ASH1L: variants seen among roughly 807,000 people sequenced by gnomAD.
The protein encoded by ASH1L is histone-lysine N-methyltransferase ASH1L.
Under a neutral mutation model 269.0 loss-of-function variants are expected in ASH1L, and 23 were observed. That is an observed-to-expected ratio of 0.09 (90% CI 0.06 to 0.12). ASH1L has a LOEUF of 0.12. Among genes scored for constraint, ASH1L ranks in the 10% least tolerant of loss-of-function variants. ASH1L has a pLI of 1.00. For missense variants in ASH1L, 2,912 were observed against 3,567.8 expected, an observed-to-expected ratio of 0.82 and a Z score of 4.68; for synonymous variants, 1,187 against 1,253.5, an observed-to-expected ratio of 0.95 and a Z score of 1.12.
intron 13 of ASH1L, chr1:155,358,654 C>T (rs866153171): frequency 2.7e-5 from 4 of 150,882 alleles, no homozygotes; most frequent in Middle Eastern, 3.4e-3. Flanking sequence ...CGCCACTGCA[C>T]TCTAGCCTGG....
intron 1 of ASH1L, among the ~76,000 whole-genome samples, chr1:155,544,464 T>C (rs759298474): frequency 5.9e-5 from 9 of 151,720 alleles, no homozygotes; most frequent in Non-Finnish European, 1.3e-4. Flanking sequence ...TTTTTTTGTA[T>C]TTTTAGTAGA....
chr1:155,393,641 G>A (rs1054648384), intron 7 of ASH1L, among the ~76,000 whole-genome samples: 2 of 150,504 alleles, frequency 1.3e-5, no homozygotes, highest in Admixed American at 6.7e-5. Context: ...TGCACACTCC[G>A]CCTCCTGGGT....
chr1:155,500,529 T>C (rs1667434909), intron 2 of ASH1L, among the ~76,000 whole-genome samples: 2 of 151,962 alleles, frequency 1.3e-5, no homozygotes, highest in South Asian at 4.1e-4. Flanking sequence ...TCAAATAATG[T>C]AGACATGCAT....
At chr1:155,455,129 G>A (rs186833096) in intron 4 of ASH1L, among the ~76,000 whole-genome samples, 1 of 152,040 alleles carries the variant, frequency 6.6e-6, no homozygotes, top group African/African-American at 2.4e-5. Context: ...TGAGAAATGA[G>A]CAAAGAGACA....
chr1:155,508,504 T>C (rs1161027565), intron 2 of ASH1L, among the ~76,000 whole-genome samples: 1 of 152,146 alleles, frequency 6.6e-6, no homozygotes, highest in Non-Finnish European at 1.5e-5. Flanking sequence ...CCAGACATGA[T>C]GGCATTCACC....
At chr1:155,451,512 C>T (rs1185737459) in intron 4 of ASH1L, among the ~76,000 whole-genome samples, 1 of 151,974 alleles carries the variant, frequency 6.6e-6, no homozygotes, top group Admixed American at 6.6e-5. Flanking sequence ...GTAATCACAG[C>T]ACTTTGGGAG....
At chr1:155,528,041 A>T (rs1287732117) in intron 1 of ASH1L, among the ~76,000 whole-genome samples, 1 of 152,150 alleles carries the variant, frequency 6.6e-6, no homozygotes, top group Non-Finnish European at 1.5e-5. Flanking sequence ...AACATTGATG[A>T]TTCACAAATT....
chr1:155,406,969 T>C (rs1041290631), intron 6 of ASH1L, among the ~76,000 whole-genome samples: 1 of 152,046 alleles, frequency 6.6e-6, no homozygotes, highest in Non-Finnish European at 1.5e-5. Flanking sequence ...TAAATGGCCT[T>C]CAAAGATATA....
Position 155,482,220 on chromosome 1 carries a change from G to C in ASH1L, c.650C>G (p.Thr217Arg). 6.2e-7 allele frequency: 1 copy of C among 1,614,126 alleles called. No individual in the cohort carries two copies. The highest frequency in any genetic ancestry group is 8.5e-7 in the Non-Finnish European group (1 of 1,180,002). Residue 217 changes from threonine (T) to arginine (R), a missense_variant, in exon 3 of 28, where the codon ACA (threonine) becomes AGA (arginine). Physicochemically the swap from Thr to Arg is moderately conservative, Grantham distance 71. Around this residue, in one of 13 missense-constraint regions of ASH1L, gnomAD observed 277 missense variants for 367.7 expected, o/e 0.75. Transcript: ENST00000392403. The part of the protein sequence containing the change: ...RALLNGGTSV[T>R]EKLAQLIATC... The stretch of plus-strand genomic sequence containing the variant: ...AGCAATCAGCTGTGCCAACTTTTCT[G>C]TTACACTAGTTCCTCCATTAAGTAA...
rs192013428 is a variant in ASH1L, at chr1:155,473,306, G to A, written c.4984+4580C>T. ...TTTTTATTGTGTGGCTTCTCTCAATGTTTGTACAAAAGAAACAAACAGGTA... is the reference window on the plus strand; with the variant it reads ...TTTTTATTGTGTGGCTTCTCTCAATATTTGTACAAAAGAAACAAACAGGTA... On this transcript the variant is annotated intron_variant, in intron 3 of 27. Transcript: ENST00000392403. 4.0e-3 allele frequency among the ~76,000 whole-genome samples: 609 copies of A among 152,164 alleles called. 1 individual carries two copies. The highest frequency in any genetic ancestry group is 5.3e-3 in the Non-Finnish European group (359 of 68,014).
chr1:155,373,242 A>C (rs1044116330), intron 10 of ASH1L, among the ~76,000 whole-genome samples: 1 of 151,730 alleles, frequency 6.6e-6, no homozygotes, highest in Non-Finnish European at 1.5e-5. Flanking sequence ...ACAAAAAAAA[A>C]CTGAACATAG....
At chr1:155,549,762 C>T (rs1291922687) in intron 1 of ASH1L, among the ~76,000 whole-genome samples, 3 of 152,072 alleles carry the variant, frequency 2.0e-5, no homozygotes, top group Non-Finnish European at 1.5e-5. Context: ...TCACAGATAC[C>T]GAGGGATGAC....
At chr1:155,360,183 T>G in intron 13 of ASH1L, 118 bp downstream of exon 13, 1 of 695,660 alleles carries the variant, frequency 1.4e-6, no homozygotes, top group East Asian at 2.8e-5. Context: ...AACCACTGTG[T>G]CCAGCCTCCC....
upstream of ASH1L, chr1:155,562,867 ACCGCCGCCACGG>A (rs1346710627): frequency 1.5e-5 from 5 of 331,000 alleles, no homozygotes; most frequent in Non-Finnish European, 2.4e-5. Context: ...ACGGCCACCA[ACCGCCGCCACGG>A]CCGCCGCCGC....
rs533450245 is a variant in ASH1L at position 155,477,160 on chromosome 1, T to C, written c.4984+726A>G. ...TCACAAAGAACTTCTAATCTTTTAT[T>C]CGAGTGGCAAATGCTTACTCTTTGT... On this transcript the variant is annotated intron_variant, in intron 3 of 27. Coordinates refer to ENST00000392403, the MANE Select transcript of ASH1L (RefSeq NM_018489.3). 5.3e-5 allele frequency among the ~76,000 whole-genome samples: 8 copies of C among 152,300 alleles called. No individual in the cohort carries two copies. In the East Asian group the frequency reaches 1.5e-3, roughly 29 times the overall value.
At chr1:155,477,406 T>C (rs1665641501) in intron 3 of ASH1L, among the ~76,000 whole-genome samples, 1 of 152,190 alleles carries the variant, frequency 6.6e-6, no homozygotes, top group Non-Finnish European at 1.5e-5. Flanking sequence ...TGAATTTTTA[T>C]TATGAGACAT....
intron 2 of ASH1L, among the ~76,000 whole-genome samples, chr1:155,500,460 C>T (rs940052614): frequency 2.6e-5 from 4 of 152,082 alleles, no homozygotes; most frequent in Non-Finnish European, 4.4e-5. Flanking sequence ...TACATACAAT[C>T]GGGTCTTCTT....
intron 6 of ASH1L, 67 bp downstream of exon 6, chr1:155,415,677 G>C (rs1660154642): frequency 1.3e-6 from 2 of 1,506,518 alleles, no homozygotes; most frequent in Non-Finnish European, 1.8e-6. Flanking sequence ...ATTGTTTTTT[G>C]ATAGTCAAAG....
chr1:155,490,118 C>A (rs1384500018), intron 2 of ASH1L, among the ~76,000 whole-genome samples: 1 of 151,786 alleles, frequency 6.6e-6, no homozygotes, highest in Non-Finnish European at 1.5e-5. Context: ...ACGCCCGCCA[C>A]CATGCCCGGC....
Sources: allele counts gnomAD v4.1 joint callset (sites outside exome capture counted in the v4.1 genomes callset), GRCh38; gene constraint gnomAD v4.1.1; regional missense constraint gnomAD v4.1.1; transcripts MANE v1.5; gene names NCBI Gene and HGNC (gene_info 2026-07-23, HGNC 2026-07-21).